PPP3CA: variants seen among roughly 807,000 people sequenced by gnomAD.
PPP3CA encodes the protein protein phosphatase 3 catalytic subunit alpha.
Under a neutral mutation model 66.5 loss-of-function variants are expected in PPP3CA, and 14 were observed. The observed-to-expected ratio is 0.21, with a 90% CI of 0.14 to 0.33. PPP3CA has a LOEUF of 0.33. Ranked by LOEUF, PPP3CA falls within the 10% of genes least tolerant of loss-of-function variation. The probability of loss-of-function intolerance (pLI) is 1.00; values close to 1 mark genes in which losing one functional copy is unlikely to be tolerated. For synonymous variants in PPP3CA, 232 were observed against 226.2 expected, an observed-to-expected ratio of 1.03 and a Z score of -0.23; for missense variants, 317 against 639.5, an observed-to-expected ratio of 0.50 and a Z score of 5.44.
chr4:101,256,587 G>A (rs546437319), intron 1 of PPP3CA, among the ~76,000 whole-genome samples: 1 of 152,096 alleles, frequency 6.6e-6, no homozygotes, highest in East Asian at 1.9e-4. Flanking sequence ...ATCTACAATA[G>A]AAATTTCCAT....
intron 1 of PPP3CA, among the ~76,000 whole-genome samples, chr4:101,208,848 T>A (rs1413470640): frequency 2.0e-5 from 3 of 152,190 alleles, no homozygotes; most frequent in Admixed American, 6.5e-5. Flanking sequence ...CAGTAATTCA[T>A]AATGAAACAA....
intron 1 of PPP3CA, among the ~76,000 whole-genome samples, chr4:101,302,453 G>A (rs565038762): frequency 6.6e-6 from 1 of 152,308 alleles, no homozygotes; most frequent in Non-Finnish European, 1.5e-5. Flanking sequence ...CTGTTAATCT[G>A]TAACAAGTTT....
chr4:101,337,778 G>C (rs116418397), intron 1 of PPP3CA, among the ~76,000 whole-genome samples: 1 of 152,116 alleles, frequency 6.6e-6, no homozygotes, highest in African/African-American at 2.4e-5. Flanking sequence ...CAGCTTTAGC[G>C]GTCTTCTGTA....
Position 101,154,806 on chromosome 4 carries a change from G to T in PPP3CA, c.259+41110C>A, listed in dbSNP as rs1226229824. On this transcript the variant is annotated intron_variant, in intron 2 of 13. Transcript: ENST00000394854. ...CTGCTTCAGAACACATTCACTCCCA[G>T]AATTTTTTTTTTTTTTTTTTTTTTT... is the stretch of plus-strand genomic sequence containing the variant. 5.8e-5 allele frequency among the ~76,000 whole-genome samples: 7 copies of T among 120,792 alleles called. No homozygotes were observed. In the East Asian group the frequency reaches 8.7e-4, roughly 15 times the overall value. The allele number at this position is 120,792 out of a possible 152,430, so 79.2% of individuals were successfully genotyped here. A position where few individuals can be genotyped will look rare whatever the true frequency, so the allele number is the denominator to read the frequency against.
At chr4:101,232,683 T>C (rs1023846738) in intron 1 of PPP3CA, among the ~76,000 whole-genome samples, 3 of 80,206 alleles carry the variant, frequency 3.7e-5, no homozygotes, top group Admixed American at 9.8e-5. Context: ...CAGATCAGCT[T>C]TGTAGAAAAA....
chr4:101,169,164 G>T (rs544539713), intron 2 of PPP3CA, among the ~76,000 whole-genome samples: 13 of 152,302 alleles, frequency 8.5e-5, no homozygotes, highest in Admixed American at 2.6e-4. Context: ...AACCAGCCTT[G>T]CCTGTTCACT....
chr4:101,080,209 C>G (rs1255739372), intron 8 of PPP3CA, among the ~76,000 whole-genome samples: 1 of 152,052 alleles, frequency 6.6e-6, no homozygotes, highest in African/African-American at 2.4e-5. Context: ...AATCCAAATT[C>G]TTTTTAAGAA....
At chr4:101,042,644 T>C (rs1578397962) in intron 10 of PPP3CA, among the ~76,000 whole-genome samples, 2 of 152,146 alleles carry the variant, frequency 1.3e-5, no homozygotes, top group African/African-American at 4.8e-5. Flanking sequence ...GCAGGATCCC[T>C]ACCTCTAATC....
chr4:101,124,711 A>AAGAAAGAAAG (rs1722156897), intron 2 of PPP3CA, among the ~76,000 whole-genome samples: 1 of 97,562 alleles, frequency 1.0e-5, no homozygotes, highest in African/African-American at 4.0e-5. Context: ...GAAAGAAAGA[A>AAGAAAGAAAG]AGAAAGAAAG....
intron 8 of PPP3CA, among the ~76,000 whole-genome samples, chr4:101,077,183 TAAG>T (rs1729233665): frequency 6.6e-6 from 1 of 152,232 alleles, no homozygotes; most frequent in Non-Finnish European, 1.5e-5. Context: ...GAACTACTAA[TAAG>T]AAATACTGGG....
chr4:101,025,663 C>T lies in PPP3CA; in HGVS notation c.*202G>A, dbSNP rs1267712879. On this transcript the variant is annotated 3_prime_UTR_variant, in exon 14 of 14. Coordinates refer to ENST00000394854, the MANE Select transcript of PPP3CA (RefSeq NM_000944.5). ...CATACCCAAAAGAGGTGTTTAATCA[C>T]CATCCCCACCAAAATATAGTTTATT... 6 of 464,294 alleles carry T rather than the reference C, an allele frequency of 1.3e-5. No individual in the cohort carries two copies. Among genetic ancestry groups the T allele is most frequent in the Non-Finnish European group, 1.5e-5 (4 of 268,984 alleles). 28.8% of individuals were successfully genotyped at this position (464,294 alleles called of 1,614,324 possible).
chr4:101,235,245 T>C (rs1355602221), intron 1 of PPP3CA, among the ~76,000 whole-genome samples: 1 of 151,858 alleles, frequency 6.6e-6, no homozygotes, highest in African/African-American at 2.4e-5. Flanking sequence ...GGTATGGGCC[T>C]GAATTGCCTT....
At chr4:101,266,028 C>T (rs1727159473) in intron 1 of PPP3CA, among the ~76,000 whole-genome samples, 1 of 152,086 alleles carries the variant, frequency 6.6e-6, no homozygotes, top group Non-Finnish European at 1.5e-5. Context: ...TATAGAACTA[C>T]CTTTACATAC....
intron 1 of PPP3CA, among the ~76,000 whole-genome samples, chr4:101,244,012 T>C (rs1726396675): frequency 6.6e-6 from 1 of 152,204 alleles, no homozygotes; most frequent in South Asian, 2.1e-4. Context: ...CCACAAATGT[T>C]CTACCTCATG....
intron 2 of PPP3CA, among the ~76,000 whole-genome samples, chr4:101,139,503 C>T (rs1308650675): frequency 6.6e-6 from 1 of 152,064 alleles, no homozygotes; most frequent in Non-Finnish European, 1.5e-5. Flanking sequence ...CCTCTAAGTA[C>T]CCAGATTATG....
At chr4:101,125,439 T>C (rs1192347054) in intron 2 of PPP3CA, among the ~76,000 whole-genome samples, 1 of 152,112 alleles carries the variant, frequency 6.6e-6, no homozygotes, top group African/African-American at 2.4e-5. Flanking sequence ...ATGAAATAAA[T>C]GTGACTGGCC....
intron 12 of PPP3CA, 26 bp downstream of exon 12, chr4:101,032,241 A>G: frequency 6.6e-7 from 1 of 1,512,408 alleles, no homozygotes; most frequent in South Asian, 1.2e-5. Flanking sequence ...GCCCCAGCAC[A>G]CAGTCATACC....
chr4:101,186,218 A>G (rs1223980217), intron 2 of PPP3CA, among the ~76,000 whole-genome samples: 1 of 152,152 alleles, frequency 6.6e-6, no homozygotes. Context: ...TTTGACAAAG[A>G]GGTATAGAAC....
intron 7 of PPP3CA, among the ~76,000 whole-genome samples, 196 bp downstream of exon 7, chr4:101,082,990 G>A (rs1245182844): frequency 1.3e-5 from 2 of 152,152 alleles, no homozygotes; most frequent in Non-Finnish European, 2.9e-5. Context: ...CTTTACGGGA[G>A]ACTGTACGAT....
Sources: gnomAD v4.1 joint callset for allele counts (sites outside exome capture counted in the v4.1 genomes callset) on GRCh38, gnomAD v4.1.1 for gene constraint, MANE v1.5 for transcripts, NCBI Gene and HGNC (gene_info 2026-07-23, HGNC 2026-07-21) for gene names.